Variants in ACAD8 observed in about 807,000 individuals in gnomAD.
The protein encoded by ACAD8 is acyl-CoA dehydrogenase family member 8.
In ACAD8, 47 loss-of-function variants were observed where a neutral mutation model predicts 53.1. That is an observed-to-expected ratio of 0.89 (90% confidence interval 0.70 to 1.13). ACAD8 has a LOEUF of 1.13. Ranked by LOEUF, ACAD8 falls within the 50% of genes most tolerant of loss-of-function variation. ACAD8 has a pLI of 0.00. For missense variants in ACAD8, 494 were observed against 535.0 expected (o/e 0.92, Z 0.76); for synonymous variants, 198 against 201.3 (o/e 0.98, Z 0.14).
intron 10 of ACAD8, among the ~76,000 whole-genome samples, chr11:134,264,401 C>G (rs979742397): frequency 6.6e-6 from 1 of 151,908 alleles, no homozygotes; most frequent in African/African-American, 2.4e-5. Flanking sequence ...GCTTGTGGTC[C>G]CAGCTACTCA....
chr11:134,258,674 C>G, intron 4 of ACAD8, 50 bp downstream of exon 4: 1 of 1,361,392 alleles, frequency 7.3e-7, no homozygotes, highest in African/African-American at 1.4e-5. Context: ...ATGCTTCCTG[C>G]TCAGATGGCA....
intron 9 of ACAD8, 125 bp downstream of exon 9, chr11:134,262,015 T>C: frequency 8.2e-7 from 1 of 1,214,770 alleles, no homozygotes; most frequent in East Asian, 2.5e-5. Flanking sequence ...CACCTTAAGC[T>C]TAAGGATATA....
At position 134,261,165 on chromosome 11, in the gene ACAD8, G is replaced by A. The variant is rs1163678984; in HGVS notation, c.827G>A (p.Gly276Glu). The change falls in exon 7 of 11, where the codon GGG becomes GAG. Residue 276 changes from glycine (G) to glutamate (E), a missense_variant. Gly to Glu is a moderately conservative substitution (Grantham distance 98). Coordinates refer to ENST00000281182, the MANE Select transcript of ACAD8 (RefSeq NM_014384.3). The surrounding 1 kb of genome is among the most constrained non-coding windows in gnomAD (Gnocchi z 4.2). ...FLIAVRGLNG[G>E]RINIASCSLG... ...ATTGCCGTGAGAGGACTGAACGGAG[G>A]GAGGATCAATATTGGTGAGATACGC... is the stretch of plus-strand genomic sequence containing the variant. 3.7e-6 allele frequency: 6 copies of A among 1,613,258 alleles called. No individual in the cohort carries two copies. In the South Asian group the frequency reaches 6.6e-5, roughly 18 times the overall value.
intron 6 of ACAD8, chr11:134,260,731 T>G: frequency 2.4e-6 from 1 of 420,772 alleles, no homozygotes. Context: ...TGGTTTTCAA[T>G]TAGAGGCACT....
intron 5 of ACAD8, chr11:134,259,292 T>A: frequency 7.2e-6 from 5 of 696,220 alleles, no homozygotes; most frequent in Non-Finnish European, 1.3e-5. Flanking sequence ...CTTTTGTCTA[T>A]CCTTTTTATA....
intron 1 of ACAD8, 119 bp from the exon 2 acceptor site, chr11:134,256,429 C>T (rs921783580): frequency 3.9e-6 from 3 of 768,128 alleles, no homozygotes; most frequent in African/African-American, 3.4e-5. Flanking sequence ...AAGGCTATAC[C>T]GTGTATGGGA....
rs535644930 is a variant in ACAD8 at position 134,258,499 on chromosome 11, T to C, written c.381-16T>C. 4 of 1,572,362 alleles carry C rather than the reference T, an allele frequency of 2.5e-6. No individual in the cohort carries two copies. The East Asian group carries it at 6.7e-5, about 26-fold the overall frequency. ...TTATTTCTGTCATTGTCTTTTCTTC[T>C]TGGTGTACCTATCAGCATGTGTGCC... On this transcript the variant is annotated splice_polypyrimidine_tract_variant and intron_variant, in intron 3 of 10. Transcript: ENST00000281182.
rs1024578942 is a variant in ACAD8 at position 134,261,233 on chromosome 11, G to A, written c.842-42G>A. 4 of 1,614,008 alleles carry A rather than the reference G, an allele frequency of 2.5e-6. No individual in the cohort carries two copies. The highest frequency in any genetic ancestry group is 1.7e-5 in the Admixed American group (1 of 60,008). Reference sequence around the variant, plus strand: ...GTAGCGGTCCGGGACAGGCACTGCTGTTTTCCAGCTTGGTTGGAACGTCGG... The same window carrying A: ...GTAGCGGTCCGGGACAGGCACTGCTATTTTCCAGCTTGGTTGGAACGTCGG... On this transcript the variant is annotated intron_variant, in intron 7 of 10. Coordinates refer to ENST00000281182, the MANE Select transcript of ACAD8 (RefSeq NM_014384.3). The surrounding 1 kb of genome is among the most constrained non-coding windows in gnomAD (Gnocchi z 4.2).
intron 10 of ACAD8, chr11:134,263,108 A>G: frequency 8.8e-7 from 1 of 1,130,288 alleles, no homozygotes. Flanking sequence ...CTATATGGGT[A>G]TCTTCTTGGT....
intron 10 of ACAD8, 143 bp from the exon 11 acceptor site, chr11:134,264,765 C>G (rs1940091162): frequency 1.3e-6 from 1 of 793,760 alleles, no homozygotes; most frequent in Non-Finnish European, 2.3e-6. Flanking sequence ...CTCTGATAAT[C>G]TCATCTCTCC....
rs2136087421 is a variant in ACAD8 at position 134,265,798 on chromosome 11, T to TA, written c.*841dup. 6.6e-6 allele frequency: 1 copy of TA among 152,372 alleles called. No homozygotes were observed. Among genetic ancestry groups the TA allele is most frequent in the Admixed American group, 6.5e-5 (1 of 15,304 alleles). 9.4% of individuals were successfully genotyped at this position (152,372 alleles called of 1,614,324 possible). A position where few individuals can be genotyped will look rare whatever the true frequency, so the allele number is the denominator to read the frequency against. ...TTTTAAATGTTTAATTGTATTTGATTAAACACTTAACTGGATTTTGGAATA... is the reference window on the plus strand; with the variant it reads ...TTTTAAATGTTTAATTGTATTTGATTAAAACACTTAACTGGATTTTGGAATA... On this transcript the variant is annotated 3_prime_UTR_variant, in exon 11 of 11. Coordinates refer to ENST00000281182, the MANE Select transcript of ACAD8 (RefSeq NM_014384.3).
Position 134,258,643 on chromosome 11 carries a change from A to G in ACAD8, c.490+19A>G. On this transcript the variant is annotated intron_variant, in intron 4 of 10. Transcript: ENST00000281182. ...GAACCAGGTGAATTTGCCACACTGC[A>G]CTGAGATATAGCAGGGAGAGATGCT... The G allele has an allele frequency of 1.3e-6, 2 of 1,551,734 alleles. No individual in the cohort carries two copies. Among genetic ancestry groups the G allele is most frequent in the South Asian group, 2.2e-5 (2 of 89,188 alleles).
In ACAD8 at chr11:134,261,542, C is replaced by T. The variant is rs762437694; in HGVS notation, c.939+170C>T. 1.1e-4 allele frequency: 168 copies of T among 1,501,688 alleles called. No homozygotes were observed. The highest frequency in any genetic ancestry group is 1.5e-4 in the Non-Finnish European group (162 of 1,107,084). The allele number at this position is 1,501,688 out of a possible 1,614,324, so 93.0% of individuals were successfully genotyped here. ...CCATCTTTTCTTGGGATATCTTTAA[C>T]GATATTAAAGTGTCGGGTGAGTGAA... On this transcript the variant is annotated intron_variant, in intron 8 of 10. Transcript: ENST00000281182. This position sits in a 1 kb window ranked among gnomAD's most constrained non-coding sequence, Gnocchi z 4.2.
In ACAD8 at chr11:134,257,213, G is replaced by A. The variant is rs766644067; in HGVS notation, c.336G>A (p.Leu112=). The A allele has an allele frequency of 6.2e-7, 1 of 1,614,104 alleles. No individual in the cohort carries two copies. The highest frequency in any genetic ancestry group is 8.5e-7 in the Non-Finnish European group (1 of 1,180,020). ...ATACCTCTGTCATTTTTGAAGCCTT[G>A]GCTACAGGCTGCACCAGCACCACAG... ...RLDTSVIFEA[L]ATGCTSTTAY... is the part of the protein sequence containing the mutation. Residue 112 remains leucine, a synonymous_variant, in exon 3 of 11, where the codon TTG becomes TTA. Coordinates refer to ENST00000281182, the MANE Select transcript of ACAD8 (RefSeq NM_014384.3).
At chr11:134,264,639 C>G (rs1232656253) in intron 10 of ACAD8, among the ~76,000 whole-genome samples, 1 of 152,156 alleles carries the variant, frequency 6.6e-6, no homozygotes, top group East Asian at 1.9e-4. Context: ...TAGAATTATC[C>G]TGTATATACT....
chr11:134,260,210 TGTAA>T, intron 6 of ACAD8: 1 of 1,091,096 alleles, frequency 9.2e-7, no homozygotes, highest in Non-Finnish European at 1.1e-6. Context: ...ACTTAGGTAC[TGTAA>T]GTAATTTGAA....
At chr11:134,259,301 T>C (rs1468622856) in intron 5 of ACAD8, 1 of 690,976 alleles carries the variant, frequency 1.4e-6, no homozygotes, top group African/African-American at 1.8e-5. Context: ...ATCCTTTTTA[T>C]ACTCTCTTGG....
At position 134,261,762 on chromosome 11, in the gene ACAD8, A is replaced by G. The variant is rs1167657404; in HGVS notation, c.964A>G (p.Met322Val). The G allele has an allele frequency of 3.1e-6, 5 of 1,613,808 alleles. No homozygotes were observed. Among genetic ancestry groups the G allele is most frequent in the Non-Finnish European group, 4.2e-6 (5 of 1,180,036 alleles). The change falls in exon 9 of 11, where the codon ATG becomes GTG. Residue 322 changes from methionine (M) to valine (V), a missense_variant. Transcript: ENST00000281182. This position sits in a 1 kb window ranked among gnomAD's most constrained non-coding sequence, Gnocchi z 4.2. ...NQYLQFTLAD[M>V]ATRLVAARLM... ...GTACTTGCAATTCACACTGGCTGAT[A>G]TGGCAACAAGGCTGGTGGCCGCGCG...
In ACAD8 at chr11:134,258,576, C is replaced by T; in HGVS notation, c.442C>T (p.Pro148Ser). The T allele has an allele frequency of 6.2e-7, 1 of 1,614,118 alleles. No homozygotes were observed. Among genetic ancestry groups the T allele is most frequent in the South Asian group, 1.1e-5 (1 of 91,062 alleles). The change falls in exon 4 of 11, where the codon CCG becomes TCG. Residue 148 changes from proline (P) to serine (S), a missense_variant. Coordinates refer to ENST00000281182, the MANE Select transcript of ACAD8 (RefSeq NM_014384.3). ...GGAACAGAGGCACAAATTTTGCCCACCGCTCTGTACCATGGAGAAGTTTGC... is the reference window on the plus strand; with the variant it reads ...GGAACAGAGGCACAAATTTTGCCCATCGCTCTGTACCATGGAGAAGTTTGC... ...NEEQRHKFCPPLCTMEKFASY... is the reference protein window; with the variant it reads ...NEEQRHKFCPSLCTMEKFASY...
Sources: allele counts gnomAD v4.1 joint callset (sites outside exome capture counted in the v4.1 genomes callset), GRCh38; gene constraint gnomAD v4.1.1; non-coding constraint Gnocchi (gnomAD v3.1); transcripts MANE v1.5; gene names NCBI Gene and HGNC (gene_info 2026-07-23, HGNC 2026-07-21).